The following MGA variants were observed in gnomAD, a reference collection of about 807,000 sequenced individuals.
MGA encodes MAX dimerization protein MGA, also known as MAX gene-associated protein.
In MGA, 40 loss-of-function variants were observed where a neutral mutation model predicts 261.1. The ratio of observed to expected loss-of-function variants is 0.15; its 90% confidence interval spans 0.12 to 0.20. The LOEUF is 0.20. Among genes scored for constraint, MGA ranks in the 10% least tolerant of loss-of-function variants. The pLI, the probability that MGA is intolerant of heterozygous loss-of-function variation, is 1.00. For missense variants in MGA, 3,397 were observed against 3,630.5 expected (o/e 0.94, Z 1.65); for synonymous variants, 1,302 against 1,290.6 (o/e 1.01, Z -0.19).
At chr15:41,705,461 A>G (rs1297373439) in intron 5 of MGA, among the ~76,000 whole-genome samples, 2 of 152,032 alleles carry the variant, frequency 1.3e-5, no homozygotes, top group Non-Finnish European at 2.9e-5. Flanking sequence ...TCCTGGGCTC[A>G]AGCAGTCCTC....
rs771057701 is a variant in MGA, at chr15:41,761,801, C to T, written c.7461C>T (p.Leu2487=). ...ACAAATTGATAGGACAGAAAAATCT[C>T]CTGACTCGAAAACGGAATATTCTGA... The change falls in exon 21 of 24, where the codon CTC becomes CTT. Residue 2487 remains leucine, a synonymous_variant. Coordinates refer to ENST00000219905, the MANE Select transcript of MGA (RefSeq NM_001164273.2). 2.5e-6 allele frequency: 4 copies of T among 1,598,976 alleles called. No homozygotes were observed. The highest frequency in any genetic ancestry group is 3.4e-6 in the Non-Finnish European group (4 of 1,172,150).
intron 2 of MGA, among the ~76,000 whole-genome samples, chr15:41,683,777 C>T (rs28361913): frequency 2.0e-5 from 3 of 151,750 alleles, no homozygotes; most frequent in Admixed American, 1.3e-4. Context: ...GATGGGGTTT[C>T]GCCATGTTGC....
chr15:41,754,110 G>A (rs1370714532), intron 17 of MGA, among the ~76,000 whole-genome samples: 2 of 152,006 alleles, frequency 1.3e-5, no homozygotes, highest in South Asian at 2.1e-4. Context: ...GTAGAGACAG[G>A]GTTTTGCCAT....
At chr15:41,643,151 G>A (rs758559027) in intron 1 of MGA, among the ~76,000 whole-genome samples, 102 of 150,482 alleles carry the variant, frequency 6.8e-4, no homozygotes, top group Middle Eastern at 3.5e-3. Context: ...CCATCTTCCT[G>A]CCTTGGCCTC....
chr15:41,649,606 T>C (rs953423507), intron 1 of MGA, among the ~76,000 whole-genome samples: 1 of 152,138 alleles, frequency 6.6e-6, no homozygotes, highest in Non-Finnish European at 1.5e-5. Context: ...GAGGAGGATA[T>C]GTAGTTGGAT....
intron 7 of MGA, 75 bp downstream of exon 7, chr15:41,708,283 G>T: frequency 9.2e-7 from 1 of 1,091,380 alleles, no homozygotes; most frequent in Non-Finnish European, 1.3e-6. Context: ...GTAAGTCTTG[G>T]TTGTTTTTCT....
intron 9 of MGA, among the ~76,000 whole-genome samples, chr15:41,719,269 T>C (rs963360745): frequency 2.6e-5 from 4 of 152,182 alleles, no homozygotes; most frequent in East Asian, 1.9e-4. Flanking sequence ...TGGAAAAATA[T>C]ATTGTTTTCA....
At chr15:41,744,048 G>C (rs986560050) in intron 15 of MGA, among the ~76,000 whole-genome samples, 1 of 152,086 alleles carries the variant, frequency 6.6e-6, no homozygotes. Flanking sequence ...TTCTGTCTTG[G>C]TTATTGATGT....
chr15:41,736,504 T>A lies in MGA; in HGVS notation c.4240T>A (p.Ser1414Thr). ...AGATGATATGGCTGAGAAATCTGGATCAGAGACTCCTGATGGTCCATTGTC... is the reference window on the plus strand; with the variant it reads ...AGATGATATGGCTGAGAAATCTGGAACAGAGACTCCTGATGGTCCATTGTC... Residue 1414 changes from serine to threonine, a missense_variant, in exon 13 of 24, where the codon TCA becomes ACA. By Grantham distance (58) the Ser-to-Thr change is moderately conservative (BLOSUM62 1). Around this residue, in one of 9 missense-constraint regions of MGA, gnomAD observed 1,410 missense variants for 1,386.4 expected, o/e 1.02. Coordinates refer to ENST00000219905, the MANE Select transcript of MGA (RefSeq NM_001164273.2). 1 of 1,613,954 alleles carries A rather than the reference T, an allele frequency of 6.2e-7. No homozygotes were observed. The highest frequency in any genetic ancestry group is 8.5e-7 in the Non-Finnish European group (1 of 1,179,874).
intron 1 of MGA, among the ~76,000 whole-genome samples, chr15:41,632,953 ATTT>A (rs1341133357): frequency 1.4e-5 from 2 of 144,438 alleles, no homozygotes; most frequent in African/African-American, 2.5e-5. Flanking sequence ...ATTTCATGTA[ATTT>A]TTTTTTTTTT....
In MGA at chr15:41,623,954, C is replaced by T. The variant is rs567785061; in HGVS notation, c.-68+2656C>T. On this transcript the variant is annotated intron_variant, in intron 1 of 8. Coordinates refer to the MGA transcript ENST00000566718. ...CTAATTTTTGTAATTTTAGTTGAGG[C>T]GGGGTTTCACCGTGTTGGCCATGCT... Among the ~76,000 whole-genome samples the T allele has an allele frequency of 5.4e-4, 82 of 151,276 alleles. No individual in the cohort carries two copies. The East Asian group carries it at 5.5e-3, about 10-fold the overall frequency.
intron 10 of MGA, 124 bp from the exon 11 acceptor site, chr15:41,729,040 T>A (rs751742241): frequency 1.0e-4 from 98 of 959,488 alleles, no homozygotes; most frequent in Non-Finnish European, 1.5e-4. Flanking sequence ...CTGTTTGATT[T>A]GAAAGTTTGC....
At chr15:41,656,830 G>A (rs1343128845), upstream of MGA, among the ~76,000 whole-genome samples, 2 of 152,174 alleles carry the variant, frequency 1.3e-5, no homozygotes, top group African/African-American at 4.8e-5. Flanking sequence ...AGACTGGAGT[G>A]CAGTGGCACA....
intron 1 of MGA, among the ~76,000 whole-genome samples, chr15:41,665,467 G>T (rs1396802347): frequency 6.6e-6 from 1 of 151,324 alleles, no homozygotes; most frequent in Non-Finnish European, 1.5e-5. Context: ...GCTCACTGCA[G>T]CCTTGGCCTC....
intron 13 of MGA, among the ~76,000 whole-genome samples, chr15:41,738,493 T>C (rs935357595): frequency 3.3e-5 from 5 of 152,228 alleles, no homozygotes; most frequent in Non-Finnish European, 5.9e-5. Flanking sequence ...TCTGTTGATA[T>C]TTCTTATACT....
At chr15:41,744,723 A>G (rs1281474314) in intron 15 of MGA, among the ~76,000 whole-genome samples, 1 of 152,196 alleles carries the variant, frequency 6.6e-6, no homozygotes, top group Non-Finnish European at 1.5e-5. Flanking sequence ...ATGAAACAAT[A>G]TAGTAGTTTA....
intron 9 of MGA, among the ~76,000 whole-genome samples, chr15:41,715,375 C>G (rs1227238845): frequency 6.6e-6 from 1 of 151,952 alleles, no homozygotes; most frequent in Non-Finnish European, 1.5e-5. Context: ...GTCTCGAACA[C>G]CTGACTTTAT....
rs753620855 is a variant in MGA, at chr15:41,766,803, T to C, written c.8721T>C (p.Asp2907=). Reference sequence around the variant, plus strand: ...CCCTCCTCTTGCACTTGGAAGACGATGACTTTTCTGAGAATGAAAAACAAC... The same window carrying C: ...CCCTCCTCTTGCACTTGGAAGACGACGACTTTTCTGAGAATGAAAAACAAC... Residue 2907 remains aspartate, a synonymous_variant, in exon 24 of 24, where the codon GAT becomes GAC. Coordinates refer to ENST00000219905, the MANE Select transcript of MGA (RefSeq NM_001164273.2). 8 of 1,613,910 alleles carry C rather than the reference T, an allele frequency of 5.0e-6. No individual in the cohort carries two copies. Among genetic ancestry groups the C allele is most frequent in the Non-Finnish European group, 6.8e-6 (8 of 1,179,896 alleles).
intron 1 of MGA, among the ~76,000 whole-genome samples, chr15:41,634,888 T>C (rs1196435840): frequency 6.6e-6 from 1 of 152,172 alleles, no homozygotes; most frequent in Non-Finnish European, 1.5e-5. Flanking sequence ...CTTGAAGGTT[T>C]TTGAGCAGGA....
Sources: gnomAD v4.1 joint callset for allele counts (sites outside exome capture counted in the v4.1 genomes callset) on GRCh38, gnomAD v4.1.1 for gene constraint, gnomAD v4.1.1 regional missense constraint, MANE v1.5 for transcripts, NCBI Gene and HGNC (gene_info 2026-07-23, HGNC 2026-07-21) for gene names.